Variants in UBASH3A observed in about 807,000 individuals in gnomAD.
UBASH3A encodes the protein ubiquitin-associated and SH3 domain-containing protein A.
Under a neutral mutation model 73.5 loss-of-function variants are expected in UBASH3A, and 63 were observed. The observed-to-expected ratio is 0.86, with a 90% CI of 0.70 to 1.06. The LOEUF is 1.06. Among genes scored for constraint, UBASH3A ranks in the 50% least tolerant of loss-of-function variants. The probability of loss-of-function intolerance (pLI) is 0.00; values close to 1 mark genes in which losing one functional copy is unlikely to be tolerated. For synonymous variants in UBASH3A, 363 were observed against 351.1 expected, an observed-to-expected ratio of 1.03 and a Z score of -0.38; for missense variants, 860 against 859.0, an observed-to-expected ratio of 1.00 and a Z score of -0.02.
Position 42,443,314 on chromosome 21 carries a change from C to G in UBASH3A, c.1634C>G (p.Pro545Arg), listed in dbSNP as rs1163685031. Reference sequence around the variant, plus strand: ...GCCTCTCCTTCTCATCCTTCCAGGCCCGCGTTTCCCCTGTCCGCCCTCATG... The same window carrying G: ...GCCTCTCCTTCTCATCCTTCCAGGCGCGCGTTTCCCCTGTCCGCCCTCATG... The part of the protein sequence containing the change: ...ANFNIDTDYR[P>R]AFPLSALMPA... The change falls in exon 13 of 15, where the codon CCC becomes CGC. Residue 545 changes from proline (P) to arginine (R), a missense_variant and splice_region_variant. Transcript: ENST00000319294. The G allele has an allele frequency of 1.2e-6, 2 of 1,612,126 alleles. No individual in the cohort carries two copies. Among genetic ancestry groups the G allele is most frequent in the African/African-American group, 1.3e-5 (1 of 74,854 alleles).
intron 7 of UBASH3A, among the ~76,000 whole-genome samples, chr21:42,420,406 T>C (rs2146534519): frequency 6.6e-6 from 1 of 152,354 alleles, no homozygotes; most frequent in Non-Finnish European, 1.5e-5. Flanking sequence ...ATCTTTTGAA[T>C]ATTTTTGGCC....
chr21:42,410,511 C>T (rs968166230), intron 3 of UBASH3A: 11 of 389,850 alleles, frequency 2.8e-5, no homozygotes, highest in South Asian at 9.7e-5. Context: ...GAAGCAGTAC[C>T]TTCCAAAGCC....
intron 6 of UBASH3A, among the ~76,000 whole-genome samples, chr21:42,417,316 C>G (rs374032849): frequency 2.7e-5 from 4 of 146,834 alleles, no homozygotes; most frequent in Non-Finnish European, 5.9e-5. Context: ...CCCAGCTACT[C>G]GGGAGGCTGA....
intron 9 of UBASH3A, among the ~76,000 whole-genome samples, chr21:42,432,892 A>G (rs1474350524): frequency 1.3e-5 from 2 of 152,260 alleles, no homozygotes; most frequent in East Asian, 3.8e-4. Flanking sequence ...AAACAAGATC[A>G]AGTAAAGATA....
chr21:42,434,979 G>A, intron 10 of UBASH3A, 25 bp downstream of exon 10: 3 of 1,612,198 alleles, frequency 1.9e-6, no homozygotes, highest in Non-Finnish European at 2.5e-6. Context: ...TGTCTAGTAG[G>A]AAAGGTAACA....
At chr21:42,422,198 T>C (rs2053348940) in intron 7 of UBASH3A, among the ~76,000 whole-genome samples, 1 of 152,204 alleles carries the variant, frequency 6.6e-6, no homozygotes, top group Admixed American at 6.5e-5. Context: ...ATTTAACTTC[T>C]TACCCTAATG....
Position 42,426,827 on chromosome 21 carries a change from G to A in UBASH3A, c.1170+7G>A. The A allele has an allele frequency of 1.2e-6, 2 of 1,612,026 alleles. No homozygotes were observed. ...CAGCTTACAGGCCTTGCAGGTAATA[G>A]AACATTCCCTTTTTTCTTTTAAGTA... On this transcript the variant is annotated splice_region_variant and intron_variant, in intron 8 of 14. Transcript: ENST00000319294.
Position 42,447,250 on chromosome 21 carries a change from A to G in UBASH3A, c.*56A>G, listed in dbSNP as rs2053860327. 4.5e-6 allele frequency: 7 copies of G among 1,565,864 alleles called. No individual in the cohort carries two copies. Among genetic ancestry groups the G allele is most frequent in the Non-Finnish European group, 6.1e-6 (7 of 1,155,322 alleles). On this transcript the variant is annotated 3_prime_UTR_variant, in exon 15 of 15. Transcript: ENST00000319294. Reference sequence around the variant, plus strand: ...GTGGAGAGGCAGAAACCATGTGCAGAGGCTGGGAGATGCTGCTGTTTCCAG... The same window carrying G: ...GTGGAGAGGCAGAAACCATGTGCAGGGGCTGGGAGATGCTGCTGTTTCCAG...
At chr21:42,440,429 A>C (rs1198362997) in intron 11 of UBASH3A, among the ~76,000 whole-genome samples, 2 of 152,242 alleles carry the variant, frequency 1.3e-5, no homozygotes, top group Admixed American at 6.5e-5. Flanking sequence ...CCAAACACCT[A>C]TAATCATAAG....
intron 1 of UBASH3A, 33 bp from the exon 2 acceptor site, chr21:42,406,275 C>A: frequency 6.2e-7 from 1 of 1,602,874 alleles, no homozygotes; most frequent in Non-Finnish European, 8.5e-7. Flanking sequence ...GAATGGGCGA[C>A]GTGACTTTGT....
chr21:42,446,423 G>A (rs2053844472), intron 14 of UBASH3A, among the ~76,000 whole-genome samples: 1 of 152,082 alleles, frequency 6.6e-6, no homozygotes, highest in Admixed American at 6.6e-5. Context: ...TCACCCTAGG[G>A]TCAACACCAG....
chr21:42,413,561 T>A lies in UBASH3A; in HGVS notation c.667+38T>A. 1 of 1,457,540 alleles carries A rather than the reference T, an allele frequency of 6.9e-7. No individual in the cohort carries two copies. The highest frequency in any genetic ancestry group is 1.4e-5 in the African/African-American group (1 of 71,312). The allele number at this position is 1,457,540 out of a possible 1,614,324, so 90.3% of individuals were successfully genotyped here. ...AAAGCTTCCGGACCAGCTTTGGTCT[T>A]CTCTTTAGGCGGGAATAGCCTTGTT... On this transcript the variant is annotated intron_variant, in intron 5 of 14. Transcript: ENST00000319294. The surrounding 1 kb of genome is among the most constrained non-coding windows in gnomAD (Gnocchi z 4.5).
intron 1 of UBASH3A, among the ~76,000 whole-genome samples, chr21:42,405,999 A>AGGG (rs2052965885): frequency 9.6e-6 from 1 of 104,084 alleles, no homozygotes. Context: ...GGGGGGGGGC[A>AGGG]GGCCAGGGAG....
intron 8 of UBASH3A, among the ~76,000 whole-genome samples, chr21:42,428,982 G>T (rs2053485437): frequency 6.6e-6 from 1 of 152,202 alleles, no homozygotes; most frequent in Non-Finnish European, 1.5e-5. Context: ...ATGGGATTGA[G>T]TGGAGGGTCT....
intron 3 of UBASH3A, among the ~76,000 whole-genome samples, chr21:42,412,557 G>A (rs1055201929): frequency 4.6e-5 from 7 of 152,210 alleles, no homozygotes; most frequent in African/African-American, 7.2e-5. Flanking sequence ...GTGCTCAGCC[G>A]TGGAAGAGAG....
intron 3 of UBASH3A, 55 bp downstream of exon 3, chr21:42,409,663 T>C: frequency 6.6e-7 from 1 of 1,522,506 alleles, no homozygotes; most frequent in East Asian, 2.3e-5. Context: ...CATTTTTCTG[T>C]GCTAACTAGG....
intron 11 of UBASH3A, 59 bp downstream of exon 11, chr21:42,437,639 G>A (rs1218685953): frequency 2.2e-5 from 33 of 1,483,014 alleles, no homozygotes; most frequent in Middle Eastern, 1.8e-4. Flanking sequence ...TATTCTCCAA[G>A]GGGAGTGGGA....
intron 9 of UBASH3A, among the ~76,000 whole-genome samples, chr21:42,433,004 A>G (rs1486678845): frequency 6.6e-6 from 1 of 152,252 alleles, no homozygotes; most frequent in Non-Finnish European, 1.5e-5. Context: ...TAGCTATTGA[A>G]TTACTGAAGC....
In UBASH3A at chr21:42,437,511, A is replaced by G; in HGVS notation, c.1417A>G (p.Ile473Val). The change falls in exon 11 of 15, where the codon ATC (isoleucine) becomes GTC (valine). Residue 473 changes from isoleucine (I) to valine (V), a missense_variant. Transcript: ENST00000319294. ...AGGGGACGCGCTACTGGACAGTGGT[A>G]TCAGAATCAGCTCTGTGTTTGCCTC... is the stretch of plus-strand genomic sequence containing the variant. ...IAGDALLDSGIRISSVFASPA... is the reference protein window; with the variant it reads ...IAGDALLDSGVRISSVFASPA... 1.9e-6 allele frequency: 3 copies of G among 1,614,238 alleles called. No homozygotes were observed. Among genetic ancestry groups the G allele is most frequent in the Non-Finnish European group, 2.5e-6 (3 of 1,180,030 alleles).
Sources: allele counts gnomAD v4.1 joint callset (sites outside exome capture counted in the v4.1 genomes callset), GRCh38; gene constraint gnomAD v4.1.1; non-coding constraint Gnocchi (gnomAD v3.1); transcripts MANE v1.5; gene names NCBI Gene and HGNC (gene_info 2026-07-23, HGNC 2026-07-21).